The following ACSS3 variants were observed in gnomAD, a reference collection of about 807,000 sequenced individuals.
The protein encoded by ACSS3 is acyl-CoA synthetase short-chain family member 3, mitochondrial.
Under a neutral mutation model 84.2 loss-of-function variants are expected in ACSS3, and 64 were observed. That is an observed-to-expected ratio of 0.76 (90% CI 0.62 to 0.94). The LOEUF (loss-of-function observed/expected upper bound fraction) is 0.94. Among genes scored for constraint, ACSS3 ranks in the 40% least tolerant of loss-of-function variants. The pLI is 0.00. For missense variants in ACSS3, 815 were observed against 867.6 expected, an observed-to-expected ratio of 0.94 and a Z score of 0.76; for synonymous variants, 317 against 310.1, an observed-to-expected ratio of 1.02 and a Z score of -0.23.
At chr12:81,249,523 G>T (rs947980417) in intron 13 of ACSS3, among the ~76,000 whole-genome samples, 1 of 152,008 alleles carries the variant, frequency 6.6e-6, no homozygotes, top group South Asian at 2.1e-4. Flanking sequence ...GTTTTCCAAG[G>T]TAGCTATTTT....
At chr12:81,148,995 G>A (rs1220066751) in intron 5 of ACSS3, among the ~76,000 whole-genome samples, 1 of 151,324 alleles carries the variant, frequency 6.6e-6, no homozygotes, top group African/African-American at 2.4e-5. Context: ...CAGGAGAATC[G>A]CTTGAACCTG....
At chr12:81,245,565 T>A (rs191565213) in intron 13 of ACSS3, among the ~76,000 whole-genome samples, 1 of 152,292 alleles carries the variant, frequency 6.6e-6, no homozygotes, top group Admixed American at 6.5e-5. Flanking sequence ...AGCAGTTAGG[T>A]TCTGTTACAG....
intron 8 of ACSS3, among the ~76,000 whole-genome samples, chr12:81,188,340 C>T (rs1478545690): frequency 1.3e-5 from 2 of 151,842 alleles, no homozygotes; most frequent in Non-Finnish European, 2.9e-5. Context: ...TAATAGGGAA[C>T]TATGCATACA....
intron 13 of ACSS3, among the ~76,000 whole-genome samples, chr12:81,246,788 C>T (rs892257292): frequency 3.3e-5 from 5 of 152,064 alleles, no homozygotes; most frequent in Admixed American, 2.6e-4. Flanking sequence ...AGTTTTATTT[C>T]CTCTTTCTCT....
chr12:81,193,376 T>C (rs1446367475), intron 8 of ACSS3, among the ~76,000 whole-genome samples: 1 of 152,166 alleles, frequency 6.6e-6, no homozygotes, highest in African/African-American at 2.4e-5. Flanking sequence ...CTGAAAATTC[T>C]TCATCAGATT....
intron 3 of ACSS3, among the ~76,000 whole-genome samples, 163 bp from the exon 4 acceptor site, chr12:81,138,968 A>G (rs1037303004): frequency 4.6e-5 from 7 of 152,246 alleles, no homozygotes; most frequent in Non-Finnish European, 1.0e-4. Flanking sequence ...TCAAGTCTCT[A>G]ACAATTACAA....
At chr12:81,208,090 C>T (rs1450045473) in intron 9 of ACSS3, among the ~76,000 whole-genome samples, 8 of 152,096 alleles carry the variant, frequency 5.3e-5, no homozygotes. Flanking sequence ...CTTTCTGCTA[C>T]CTATTCAAGT....
chr12:81,148,199 A>T (rs181776565), intron 5 of ACSS3, among the ~76,000 whole-genome samples: 1 of 152,256 alleles, frequency 6.6e-6, no homozygotes, highest in Admixed American at 6.5e-5. Flanking sequence ...AGAATCCCAA[A>T]TTCTTAATCT....
chr12:81,161,821 G>T (rs550475527), intron 7 of ACSS3, among the ~76,000 whole-genome samples: 27,251 of 152,066 alleles, frequency 0.18, 2,757 homozygotes, highest in East Asian at 0.39. Flanking sequence ...GCAAGCGTGG[G>T]GTCCAGCCAC....
intron 1 of ACSS3, among the ~76,000 whole-genome samples, chr12:81,106,335 C>T (rs1882995480): frequency 6.6e-6 from 1 of 152,128 alleles, no homozygotes; most frequent in Admixed American, 6.6e-5. Context: ...GAATCTAATG[C>T]CTGATGATTT....
At chr12:81,118,031 T>C (rs1884196853) in intron 2 of ACSS3, 1 of 152,162 alleles carries the variant, frequency 6.6e-6, no homozygotes, top group Non-Finnish European at 1.5e-5. Flanking sequence ...AAATTGTTTC[T>C]GTATAATTTT....
chr12:81,094,130 T>C (rs780673939), intron 1 of ACSS3, among the ~76,000 whole-genome samples: 8 of 149,864 alleles, frequency 5.3e-5, no homozygotes, highest in Non-Finnish European at 1.2e-4. Context: ...TCTTTGGGCT[T>C]GGCATTCCAA....
chr12:81,208,738 G>A (rs892291776), intron 9 of ACSS3, among the ~76,000 whole-genome samples: 6 of 151,264 alleles, frequency 4.0e-5, no homozygotes, highest in East Asian at 1.9e-4. Context: ...TTTTCATCCC[G>A]CTGTTTACTT....
rs767130847 is a variant in ACSS3 at position 81,078,440 on chromosome 12, C to T, written c.311+9C>T. 1 of 1,611,682 alleles carries T rather than the reference C, an allele frequency of 6.2e-7. No individual in the cohort carries two copies. The highest frequency in any genetic ancestry group is 8.5e-7 in the Non-Finnish European group (1 of 1,179,962). On this transcript the variant is annotated intron_variant, in intron 1 of 15. Transcript: ENST00000548058. ...TCGCCCTCTACCAGGTGGTGAGTGA[C>T]TTCTGTGCCAACCCTGATCCCCCAT...
At chr12:81,197,041 TA>T (rs2031871661) in intron 8 of ACSS3, among the ~76,000 whole-genome samples, 1 of 152,182 alleles carries the variant, frequency 6.6e-6, no homozygotes, top group Non-Finnish European at 1.5e-5. Context: ...AATATCTTTA[TA>T]TTAGCAGATT....
At chr12:81,137,967 C>G (rs7980266) in intron 3 of ACSS3, among the ~76,000 whole-genome samples, 53,499 of 151,982 alleles carry the variant, frequency 0.35, 11,926 homozygotes, top group Non-Finnish European at 0.5. Flanking sequence ...CTGCCTTCGC[C>G]ACTTGTAACC....
At chr12:81,201,621 A>G (rs2032113679) in intron 9 of ACSS3, among the ~76,000 whole-genome samples, 1 of 152,216 alleles carries the variant, frequency 6.6e-6, no homozygotes, top group African/African-American at 2.4e-5. Flanking sequence ...AAGGGAATTA[A>G]TAGCTACATT....
At position 81,175,829 on chromosome 12, in the gene ACSS3, A is replaced by G. The variant is rs529050373; in HGVS notation, c.1250+890A>G. 3.3e-5 allele frequency among the ~76,000 whole-genome samples: 5 copies of G among 152,346 alleles called. No individual in the cohort carries two copies. The South Asian group carries it at 8.3e-4, about 25-fold the overall frequency. On this transcript the variant is annotated intron_variant, in intron 8 of 15. Coordinates refer to ENST00000548058, the MANE Select transcript of ACSS3 (RefSeq NM_024560.4). ...AATGAAAACAAATGTACAATATACC[A>G]GATTCTCTGGGTCATAACTAATGTA...
At chr12:81,254,513 A>T (rs1264896756) in intron 15 of ACSS3, among the ~76,000 whole-genome samples, 1 of 152,168 alleles carries the variant, frequency 6.6e-6, no homozygotes, top group Non-Finnish European at 1.5e-5. Context: ...TATCATTAAG[A>T]TAATAAAAGG....
Sources: gnomAD v4.1 joint callset for allele counts (sites outside exome capture counted in the v4.1 genomes callset) on GRCh38, gnomAD v4.1.1 for gene constraint, MANE v1.5 for transcripts, NCBI Gene and HGNC (gene_info 2026-07-23, HGNC 2026-07-21) for gene names.